CENPF: variants seen among roughly 807,000 people sequenced by gnomAD.
CENPF encodes AH antigen.
In CENPF, 214 loss-of-function variants were observed where a neutral mutation model predicts 307.3. The observed-to-expected ratio is 0.70, with a 90% CI of 0.62 to 0.78. The LOEUF is 0.78. Among genes scored for constraint, CENPF ranks in the 30% least tolerant of loss-of-function variants. CENPF has a pLI of 0.00. For missense variants in CENPF, 3,401 were observed against 3,483.9 expected (o/e 0.98, Z 0.60); for synonymous variants, 1,259 against 1,270.6 (o/e 0.99, Z 0.19).
In CENPF at chr1:214,630,572, C is replaced by G. The variant is rs765461336; in HGVS notation, c.1233C>G (p.Asp411Glu). The change falls in exon 9 of 20, where the codon GAC becomes GAG. Residue 411 changes from aspartate to glutamate, a missense_variant. Asp to Glu is a conservative substitution (Grantham distance 45). Coordinates refer to ENST00000366955, the MANE Select transcript of CENPF (RefSeq NM_016343.4). Reference protein sequence around the residue: ...SRQQRSFQTLDQECIQMKARL... With the variant: ...SRQQRSFQTLEQECIQMKARL... ...AACAGCGTTCTTTCCAAACACTGGACCAGGAGTGCATCCAGATGAAGGCCA... is the reference window on the plus strand; with the variant it reads ...AACAGCGTTCTTTCCAAACACTGGAGCAGGAGTGCATCCAGATGAAGGCCA... 4.3e-6 allele frequency: 7 copies of G among 1,613,986 alleles called. No individual in the cohort carries two copies. The highest frequency in any genetic ancestry group is 1.6e-4 in the Middle Eastern group (1 of 6,084).
At chr1:214,613,395 C>A (rs1298997248) in intron 1 of CENPF, 2 of 197,218 alleles carry the variant, frequency 1.0e-5, no homozygotes, top group East Asian at 3.0e-4. Context: ...TGGTGACTGC[C>A]ATCTTGCATC....
rs1272044172 is a variant in CENPF, at chr1:214,641,209, A to G, written c.2871A>G (p.Glu957=). 9.3e-6 allele frequency: 15 copies of G among 1,609,280 alleles called. No homozygotes were observed. The highest frequency in any genetic ancestry group is 1.2e-5 in the Non-Finnish European group (14 of 1,178,802). ...AAACCCTAAGCTTGGAGAAGAAAGA[A>G]ATGAGTTCCATCATTTCTCTAAATA... The part of the protein sequence containing the change: ...LSETLSLEKK[E]MSSIISLNKR... The change falls in exon 12 of 20, where the codon GAA becomes GAG. Residue 957 remains glutamate, a synonymous_variant. Coordinates refer to ENST00000366955, the MANE Select transcript of CENPF (RefSeq NM_016343.4).
rs1381471423 is a variant in CENPF, at chr1:214,613,156, T to G, written c.-41-558T>G. The G allele has an allele frequency of 4.0e-5, 10 of 251,540 alleles. No homozygotes were observed. The East Asian group carries it at 9.9e-4, about 25-fold the overall frequency. The allele number at this position is 251,540 out of a possible 1,614,324, so 15.6% of individuals were successfully genotyped here. A position where few individuals can be genotyped will look rare whatever the true frequency, so the allele number is the denominator to read the frequency against. On this transcript the variant is annotated intron_variant, in intron 1 of 19. Coordinates refer to ENST00000366955, the MANE Select transcript of CENPF (RefSeq NM_016343.4). ...TTATATTAATTTTTGTTACAAATCTTACAAAGGCAGGGTGCTTCTGGGCAT... is the reference window on the plus strand; with the variant it reads ...TTATATTAATTTTTGTTACAAATCTGACAAAGGCAGGGTGCTTCTGGGCAT...
chr1:214,643,991 A>G (rs1658208271), intron 12 of CENPF, among the ~76,000 whole-genome samples: 2 of 152,226 alleles, frequency 1.3e-5, no homozygotes, highest in African/African-American at 4.8e-5. Context: ...TAGAGAAGGC[A>G]GGTCATGGTG....
In CENPF at chr1:214,613,730, G is replaced by T. The variant is rs750184450; in HGVS notation, c.-25G>T. The T allele has an allele frequency of 1.3e-6, 2 of 1,563,910 alleles. No homozygotes were observed. The highest frequency in any genetic ancestry group is 4.6e-5 in the East Asian group (2 of 43,080). On this transcript the variant is annotated 5_prime_UTR_variant, in exon 2 of 20. Coordinates refer to ENST00000366955, the MANE Select transcript of CENPF (RefSeq NM_016343.4). ...TCTTTTCAGTTTATTTACAAATGTT[G>T]GAGTAATAAAGAAGGCAGAACAAAA... is the stretch of plus-strand genomic sequence containing the variant.
chr1:214,640,834 T>C lies in CENPF; in HGVS notation c.2496T>C (p.Val832=), dbSNP rs770951819. The part of the protein sequence containing the change: ...PKNSAILQNR[V]DSLEFSLESQ... ...ATTCTGCCATCCTACAAAATAGAGT[T>C]GATTCACTTGAATTTTCATTAGAGT... Residue 832 remains valine, a synonymous_variant, in exon 12 of 20, where the codon GTT becomes GTC. Transcript: ENST00000366955. 18 of 1,601,984 alleles carry C rather than the reference T, an allele frequency of 1.1e-5. No homozygotes were observed. Among genetic ancestry groups the C allele is most frequent in the Admixed American group, 8.7e-5 (5 of 57,236 alleles).
At chr1:214,619,285 C>G (rs892570700) in intron 5 of CENPF, 65 bp downstream of exon 5, 7 of 821,434 alleles carry the variant, frequency 8.5e-6, no homozygotes, top group Non-Finnish European at 1.2e-5. Context: ...TAGAATAGAA[C>G]AAGGTTAGAG....
rs781674846 is a variant in CENPF, at chr1:214,620,841, C to G, written c.760C>G (p.Pro254Ala). The change falls in exon 6 of 20, where the codon CCA becomes GCA. Residue 254 changes from proline (P) to alanine (A), a missense_variant. Coordinates refer to ENST00000366955, the MANE Select transcript of CENPF (RefSeq NM_016343.4). ...SYFSGEQEVT[P>A]SRSTLQIGKR... is the part of the protein sequence containing the mutation. ...CTTTTCTGGGGAACAAGAGGTGACTCCAAGTCGATCAACTTTGCAAATAGG... is the reference window on the plus strand; with the variant it reads ...CTTTTCTGGGGAACAAGAGGTGACTGCAAGTCGATCAACTTTGCAAATAGG... 3.7e-6 allele frequency: 6 copies of G among 1,614,042 alleles called. No individual in the cohort carries two copies. The Admixed American group carries it at 6.7e-5, about 18-fold the overall frequency.
At position 214,641,523 on chromosome 1, in the gene CENPF, G is replaced by T. The variant is rs1424379501; in HGVS notation, c.3185G>T (p.Ser1062Ile). The T allele has an allele frequency of 2.0e-6, 3 of 1,520,420 alleles. No individual in the cohort carries two copies. In the Admixed American group the frequency reaches 7.2e-5, roughly 36 times the overall value. The allele number at this position is 1,520,420 out of a possible 1,614,324, so 94.2% of individuals were successfully genotyped here. ...KLECLLNECT[S>I]LCENRKNELE... Reference sequence around the variant, plus strand: ...GAATGCTTGCTAAATGAATGCACTAGTCTTTGTGAAAATAGGAAAAATGAG... The same window carrying T: ...GAATGCTTGCTAAATGAATGCACTATTCTTTGTGAAAATAGGAAAAATGAG... The change falls in exon 12 of 20, where the codon AGT becomes ATT. Residue 1062 changes from serine to isoleucine, a missense_variant. Physicochemically the swap from Ser to Ile is moderately radical, Grantham distance 142. Transcript: ENST00000366955.
chr1:214,630,537 C>G lies in CENPF; in HGVS notation c.1198C>G (p.Leu400Val), dbSNP rs139908163. ...KEKEKEFQEELSRQQRSFQTL... is the reference protein window; with the variant it reads ...KEKEKEFQEEVSRQQRSFQTL... ...GCACCTGCCCTTTGTTTTTCAGGAG[C>G]TCTCCCGTCAACAGCGTTCTTTCCA... Residue 400 changes from leucine to valine, a missense_variant, in exon 9 of 20, where the codon CTC becomes GTC. Transcript: ENST00000366955. 6.2e-7 allele frequency: 1 copy of G among 1,614,042 alleles called. No individual in the cohort carries two copies. Among genetic ancestry groups the G allele is most frequent in the Non-Finnish European group, 8.5e-7 (1 of 1,179,962 alleles).
Position 214,643,057 on chromosome 1 carries a change from A to C in CENPF, c.4719A>C (p.Gln1573His). 2 of 1,610,836 alleles carry C rather than the reference A, an allele frequency of 1.2e-6. No homozygotes were observed. The highest frequency in any genetic ancestry group is 1.7e-6 in the Non-Finnish European group (2 of 1,179,194). Residue 1573 changes from glutamine to histidine, a missense_variant, in exon 12 of 20, where the codon CAA becomes CAC. By Grantham distance (24) the Gln-to-His change is conservative (BLOSUM62 0). Coordinates refer to ENST00000366955, the MANE Select transcript of CENPF (RefSeq NM_016343.4). ...LEKLEEKMES[Q>H]GIMKNKEIQE... ...AGCTAGAAGAGAAAATGGAAAGTCA[A>C]GGGATTATGAAAAATAAGGAAATTC...
intron 18 of CENPF, 91 bp from the exon 19 acceptor site, chr1:214,658,759 T>C (rs961586172): frequency 1.5e-6 from 2 of 1,319,404 alleles, no homozygotes; most frequent in African/African-American, 2.9e-5. Context: ...GGAGTTTGCA[T>C]TATCCTTGTT....
chr1:214,629,324 T>G (rs1471584801), intron 8 of CENPF, among the ~76,000 whole-genome samples, 153 bp downstream of exon 8: 1 of 152,222 alleles, frequency 6.6e-6, no homozygotes. Flanking sequence ...TTATTTTCTT[T>G]CACATCTTCA....
In CENPF at chr1:214,640,558, G is replaced by A; in HGVS notation, c.2220G>A (p.Gln740=). 6.2e-7 allele frequency: 1 copy of A among 1,614,114 alleles called. No individual in the cohort carries two copies. Among genetic ancestry groups the A allele is most frequent in the Non-Finnish European group, 8.5e-7 (1 of 1,179,978 alleles). Residue 740 remains glutamine, a synonymous_variant, in exon 12 of 20, where the codon CAG becomes CAA. Transcript: ENST00000366955. ...GQVEDLEHKL[Q]LLSNEIMDKD... ...TTGAAGATCTAGAACACAAGCTTCA[G>A]TTACTGTCAAATGAAATAATGGACA... is the stretch of plus-strand genomic sequence containing the variant.
At chr1:214,606,185 C>G (rs767984246) in intron 1 of CENPF, 22 of 1,151,694 alleles carry the variant, frequency 1.9e-5, no homozygotes, top group Non-Finnish European at 2.7e-5. Flanking sequence ...CCAGTCTCCC[C>G]ACTCAGCCAA....
Position 214,653,015 on chromosome 1 carries a change from G to T in CENPF, c.8322+26G>T, listed in dbSNP as rs199796370. ...GTATGTTCACTTTAATTTGCTTCAT[G>T]ATTTCGAATGGTTTATACAGGTGGT... On this transcript the variant is annotated intron_variant, in intron 16 of 19. Coordinates refer to ENST00000366955, the MANE Select transcript of CENPF (RefSeq NM_016343.4). 4.0e-5 allele frequency: 63 copies of T among 1,573,444 alleles called. No homozygotes were observed. In the East Asian group the frequency reaches 1.3e-3, roughly 33 times the overall value.
intron 1 of CENPF, chr1:214,608,380 G>A (rs528179607): frequency 3.1e-6 from 5 of 1,613,274 alleles, no homozygotes; most frequent in African/African-American, 2.7e-5. Flanking sequence ...AGGCCTACCC[G>A]AGCTGGCACC....
chr1:214,613,092 CT>C, intron 1 of CENPF: 9 of 313,284 alleles, frequency 2.9e-5, no homozygotes, highest in East Asian at 1.6e-4. Flanking sequence ...ACTGATATGG[CT>C]TTTTGGTCCA....
intron 14 of CENPF, among the ~76,000 whole-genome samples, chr1:214,649,840 C>T (rs1658413197): frequency 3.3e-5 from 5 of 152,172 alleles, no homozygotes; most frequent in Admixed American, 3.3e-4. Context: ...GCCTCAGCCC[C>T]ATACATATGA....
Sources: gnomAD v4.1 joint callset for allele counts (sites outside exome capture counted in the v4.1 genomes callset) on GRCh38, gnomAD v4.1.1 for gene constraint, MANE v1.5 for transcripts, NCBI Gene and HGNC (gene_info 2026-07-23, HGNC 2026-07-21) for gene names.